The following RALGDS variants were observed in gnomAD, a reference collection of about 807,000 sequenced individuals.
The protein encoded by RALGDS is ral guanine nucleotide dissociation stimulator.
In RALGDS, 44 loss-of-function variants were observed where a neutral mutation model predicts 99.8. The ratio of observed to expected loss-of-function variants is 0.44; its 90% CI spans 0.35 to 0.57. The LOEUF is 0.57. Ranked by LOEUF, RALGDS falls within the 20% of genes least tolerant of loss-of-function variation. The pLI is 0.01. For missense variants in RALGDS, 1,022 were observed against 1,203.1 expected (o/e 0.85, Z 2.23); for synonymous variants, 529 against 505.0 (o/e 1.05, Z -0.64).
At chr9:133,119,106 TGAG>T (rs1831768703) in intron 1 of RALGDS, among the ~76,000 whole-genome samples, 1 of 152,028 alleles carries the variant, frequency 6.6e-6, no homozygotes, top group Non-Finnish European at 1.5e-5. Flanking sequence ...AGCCCAGATG[TGAG>T]GAGATCTGGC....
upstream of RALGDS, among the ~76,000 whole-genome samples, chr9:133,126,026 G>A (rs1468542967): frequency 6.6e-6 from 1 of 152,182 alleles, no homozygotes; most frequent in African/African-American, 2.4e-5. Flanking sequence ...GTGAACTTGG[G>A]TGGGTTTGAC....
intron 1 of RALGDS, among the ~76,000 whole-genome samples, chr9:133,113,185 G>A (rs932164766): frequency 1.3e-5 from 2 of 152,208 alleles, no homozygotes; most frequent in African/African-American, 4.8e-5. Flanking sequence ...AAGGAGCTAA[G>A]AGGTACTGGC....
At chr9:133,104,504 A>T (rs1244684286) in intron 9 of RALGDS, 173 bp from the exon 10 acceptor site, 6 of 647,024 alleles carry the variant, frequency 9.3e-6, no homozygotes, top group Non-Finnish European at 1.4e-5. Context: ...CCCCCTCTGG[A>T]AAGTGCGGAT....
rs1431589918 is a variant in RALGDS at position 133,098,685 on chromosome 9, G to C, written c.2647C>G (p.Arg883Gly). ...TANYDFVLKK[R>G]TFTKGVKVKH... ...ACCTTCACTCCCTTGGTGAAGGTCC[G>C]CTTCTTGAGGACAAAGTCATAGTTG... Residue 883 changes from arginine (R) to glycine (G), a missense_variant, in exon 18 of 18, where the codon CGG becomes GGG. Arg to Gly is a moderately radical substitution (Grantham distance 125). Around this residue, in one of 3 missense-constraint regions of RALGDS, gnomAD observed 825 missense variants for 994.5 expected, o/e 0.83. Transcript: ENST00000372050. The C allele has an allele frequency of 2.5e-6, 4 of 1,613,926 alleles. No individual in the cohort carries two copies. Among genetic ancestry groups the C allele is most frequent in the African/African-American group, 1.3e-5 (1 of 74,918 alleles).
chr9:133,103,284 G>A, intron 11 of RALGDS, 22 bp from the exon 12 acceptor site: 2 of 1,613,882 alleles, frequency 1.2e-6, no homozygotes, highest in Non-Finnish European at 1.7e-6. Context: ...ACACCCAATG[G>A]CCGTCAGAAA....
chr9:133,133,285 C>T (rs897499253), upstream of RALGDS, among the ~76,000 whole-genome samples: 10 of 152,282 alleles, frequency 6.6e-5, no homozygotes, highest in African/African-American at 1.4e-4. Flanking sequence ...GAAAGGCCAT[C>T]GAGGGACTGC....
chr9:133,109,831 G>A, intron 3 of RALGDS, 110 bp from the exon 4 acceptor site: 1 of 823,532 alleles, frequency 1.2e-6, no homozygotes, highest in African/African-American at 1.7e-5. Flanking sequence ...TAAATGCCTA[G>A]AAAAGGGCCA....
chr9:133,099,945 T>C (rs1019073466), intron 17 of RALGDS: 4 of 399,016 alleles, frequency 1.0e-5, no homozygotes, highest in Non-Finnish European at 1.9e-5. Context: ...GTAGAGCACA[T>C]GTTTTCTTGT....
chr9:133,113,961 T>C (rs1459067124), intron 1 of RALGDS, among the ~76,000 whole-genome samples: 3 of 152,190 alleles, frequency 2.0e-5, no homozygotes, highest in Non-Finnish European at 4.4e-5. Context: ...CTGAGCACCA[T>C]CAGTGCCTGC....
At chr9:133,112,182 CG>C in intron 1 of RALGDS, 30 bp from the exon 2 acceptor site, 1 of 1,489,352 alleles carries the variant, frequency 6.7e-7, no homozygotes, top group Non-Finnish European at 9.2e-7. Flanking sequence ...CAGCCGGGCG[CG>C]GGGACGTCAA....
intron 12 of RALGDS, 34 bp downstream of exon 12, chr9:133,103,196 C>T (rs1352187972): frequency 1.2e-6 from 2 of 1,613,452 alleles, no homozygotes; most frequent in East Asian, 2.2e-5. Flanking sequence ...GTTTTCCACC[C>T]CTCCCCAAGT....
chr9:133,108,629 C>T (rs369052555), intron 5 of RALGDS, 44 bp downstream of exon 5: 5 of 1,607,240 alleles, frequency 3.1e-6, no homozygotes, highest in African/African-American at 1.3e-5. Context: ...CCAGCACCGA[C>T]CCCTCCTCAT....
chr9:133,111,723 C>G (rs548365634), intron 2 of RALGDS, among the ~76,000 whole-genome samples: 1 of 152,318 alleles, frequency 6.6e-6, no homozygotes, highest in South Asian at 2.1e-4. Flanking sequence ...GGAGGAACCC[C>G]AGGGATGTGT....
At chr9:133,129,384 T>C (rs1168834306) in intron 1 of RALGDS, 7 of 1,470,052 alleles carry the variant, frequency 4.8e-6, no homozygotes, top group Non-Finnish European at 6.3e-6. Context: ...GCTCGTCGCC[T>C]GCGTGCCCTA....
chr9:133,134,716 C>T (rs1832397094), upstream of RALGDS, among the ~76,000 whole-genome samples: 1 of 152,208 alleles, frequency 6.6e-6, no homozygotes, highest in Non-Finnish European at 1.5e-5. Flanking sequence ...CTCTGACTTC[C>T]ATTTCTGCTG....
intron 16 of RALGDS, chr9:133,100,606 G>A (rs1830711158): frequency 7.0e-7 from 1 of 1,422,964 alleles, no homozygotes; most frequent in African/African-American, 1.4e-5. Flanking sequence ...GAATGAGGAG[G>A]GGTCTGTCCC....
rs1037795396 is a variant in RALGDS, at chr9:133,129,340, G to C, written c.132+1612C>G. The C allele has an allele frequency of 2.6e-6, 4 of 1,557,122 alleles. No homozygotes were observed. The African/African-American group carries it at 5.4e-5, about 21-fold the overall frequency. Reference sequence around the variant, plus strand: ...CCATGGTGGGGCGAGAGCCAGGTGGGGAGTGGGCCCTGCGGGAGGCCCTCT... The same window carrying C: ...CCATGGTGGGGCGAGAGCCAGGTGGCGAGTGGGCCCTGCGGGAGGCCCTCT... On this transcript the variant is annotated intron_variant, in intron 1 of 17. Coordinates refer to the RALGDS transcript ENST00000372062.
intron 1 of RALGDS, 49 bp downstream of exon 1, chr9:133,120,923 G>T: frequency 6.9e-7 from 1 of 1,456,112 alleles, no homozygotes; most frequent in South Asian, 1.3e-5. Flanking sequence ...TCTGCCGCGG[G>T]TGGGGAGGCT....
At chr9:133,104,217 C>G (rs781016807) in intron 10 of RALGDS, 46 bp downstream of exon 10, 1 of 1,556,520 alleles carries the variant, frequency 6.4e-7, no homozygotes, top group South Asian at 1.1e-5. Flanking sequence ...CTCCTCCCTA[C>G]CCCCAGGCCA....
Sources: gnomAD v4.1 joint callset for allele counts (sites outside exome capture counted in the v4.1 genomes callset) on GRCh38, gnomAD v4.1.1 for gene constraint, gnomAD v4.1.1 regional missense constraint, MANE v1.5 for transcripts, NCBI Gene and HGNC (gene_info 2026-07-23, HGNC 2026-07-21) for gene names.